Variants in GARNL3 observed in about 807,000 individuals in gnomAD.
GARNL3 encodes the protein GTPase activating Rap/RanGAP domain like 3, also known as GTPase-activating Rap/Ran-GAP domain-like protein 3.
A neutral mutation model predicts 125.0 loss-of-function variants in GARNL3; 63 were observed. That is an observed-to-expected ratio of 0.50 (90% CI 0.41 to 0.62). The LOEUF (loss-of-function observed/expected upper bound fraction) is 0.62. Among genes scored for constraint, GARNL3 ranks in the 20% least tolerant of loss-of-function variants. GARNL3 has a pLI of 0.00. For missense variants in GARNL3, 994 were observed against 1,244.0 expected (o/e 0.80, Z 3.02); for synonymous variants, 439 against 457.5 (o/e 0.96, Z 0.52).
At chr9:127,331,739 A>ATTTTTTTTTTT (rs1564147694) in intron 7 of GARNL3, among the ~76,000 whole-genome samples, 2 of 33,050 alleles carry the variant, frequency 6.1e-5, no homozygotes, top group East Asian at 1.3e-3. Flanking sequence ...TTTTTTTCAC[A>ATTTTTTTTTTT]TCTGTTTTGT....
At chr9:127,380,881 C>T (rs1020088010) in intron 22 of GARNL3, among the ~76,000 whole-genome samples, 1 of 152,026 alleles carries the variant, frequency 6.6e-6, no homozygotes, top group Non-Finnish European at 1.5e-5. Flanking sequence ...TTGAATTGTA[C>T]ATTTTATTTT....
intron 12 of GARNL3, among the ~76,000 whole-genome samples, chr9:127,339,228 C>T (rs921164972): frequency 1.3e-5 from 2 of 150,216 alleles, no homozygotes; most frequent in African/African-American, 2.5e-5. Context: ...ACCCGGGAGG[C>T]GGAGCTTGCA....
rs773430100 is a variant in GARNL3 at position 127,338,138 on chromosome 9, C to T, written c.1005C>T (p.Tyr335=). 3.1e-6 allele frequency: 5 copies of T among 1,611,662 alleles called. No homozygotes were observed. Among genetic ancestry groups the T allele is most frequent in the South Asian group, 1.1e-5 (1 of 91,026 alleles). The change falls in exon 12 of 28, where the codon TAC becomes TAT. Residue 335 remains tyrosine, a synonymous_variant. Transcript: ENST00000373387. ...HFTHIFALVR[Y]NQQNDNYRLK... Reference sequence around the variant, plus strand: ...CAGATATTTTTGCCTTAGTGAGATACAATCAACAAAATGACAATTACAGGT... The same window carrying T: ...CAGATATTTTTGCCTTAGTGAGATATAATCAACAAAATGACAATTACAGGT...
intron 16 of GARNL3, among the ~76,000 whole-genome samples, chr9:127,346,752 T>C (rs1238694886): frequency 1.3e-5 from 2 of 152,202 alleles, no homozygotes; most frequent in Non-Finnish European, 2.9e-5. Flanking sequence ...TGCTGTGCAG[T>C]TGGCTCTGCA....
At chr9:127,345,128 G>T (rs1431978626) in intron 15 of GARNL3, among the ~76,000 whole-genome samples, 1 of 146,734 alleles carries the variant, frequency 6.8e-6, no homozygotes. Context: ...CTGAGAATCT[G>T]CATTTTTTCA....
In GARNL3 at chr9:127,325,055, A is replaced by G. The variant is rs753450238; in HGVS notation, c.568-14A>G. The G allele has an allele frequency of 6.2e-7, 1 of 1,612,800 alleles. No individual in the cohort carries two copies. The highest frequency in any genetic ancestry group is 1.7e-5 in the Admixed American group (1 of 59,962). ...GTTATGCCTGGATGTAACTTTTAAA[A>G]CTTTATTTGACAGGACTTGCTGGTT... On this transcript the variant is annotated splice_polypyrimidine_tract_variant and intron_variant, in intron 6 of 27. Coordinates refer to ENST00000373387, the MANE Select transcript of GARNL3 (RefSeq NM_032293.5).
At chr9:127,282,447 G>A (rs1263428050) in intron 1 of GARNL3, among the ~76,000 whole-genome samples, 1 of 152,110 alleles carries the variant, frequency 6.6e-6, no homozygotes, top group Admixed American at 6.5e-5. Context: ...CTAGAAGTAG[G>A]TACAGTCATT....
At chr9:127,235,821 T>C (rs538323005) in intron 1 of GARNL3, among the ~76,000 whole-genome samples, 2 of 152,314 alleles carry the variant, frequency 1.3e-5, no homozygotes, top group East Asian at 3.9e-4. Context: ...CTGGACTGGC[T>C]TCAAGAGATA....
intron 9 of GARNL3, among the ~76,000 whole-genome samples, chr9:127,333,640 G>C (rs1829388847): frequency 6.6e-6 from 1 of 152,154 alleles, no homozygotes; most frequent in Admixed American, 6.5e-5. Context: ...AATAATTGGA[G>C]GGTCTCGAGG....
rs759929622 is a variant in GARNL3 at position 127,338,169 on chromosome 9, A to G, written c.1028+8A>G. 6 of 1,601,870 alleles carry G rather than the reference A, an allele frequency of 3.7e-6. No homozygotes were observed. In the East Asian group the frequency reaches 6.7e-5, roughly 18 times the overall value. ...ACAAAATGACAATTACAGGTAGGTA[A>G]TGACTTTGTCTCGATTGCTTGTCCT... On this transcript the variant is annotated splice_region_variant and intron_variant, in intron 12 of 27. Transcript: ENST00000373387.
At chr9:127,292,868 C>T (rs1419692252) in intron 2 of GARNL3, among the ~76,000 whole-genome samples, 1 of 152,222 alleles carries the variant, frequency 6.6e-6, no homozygotes, top group Non-Finnish European at 1.5e-5. Context: ...AATCATGGCC[C>T]TACAACTCAC....
intron 27 of GARNL3, 69 bp from the exon 28 acceptor site, chr9:127,393,014 G>T: frequency 1.5e-6 from 2 of 1,295,222 alleles, no homozygotes; most frequent in Non-Finnish European, 2.2e-6. Context: ...GCAGGAAATT[G>T]CCAGAAAAAA....
chr9:127,304,264 C>T (rs1349499657), intron 2 of GARNL3, among the ~76,000 whole-genome samples: 1 of 152,150 alleles, frequency 6.6e-6, no homozygotes, highest in Non-Finnish European at 1.5e-5. Context: ...TAGGTTAAAA[C>T]CACAATTAGG....
chr9:127,277,148 G>C (rs2063978018), intron 1 of GARNL3, among the ~76,000 whole-genome samples: 3 of 152,142 alleles, frequency 2.0e-5, no homozygotes, highest in Admixed American at 2.0e-4. Context: ...TTCTGATTTG[G>C]CATATCTGGA....
intron 7 of GARNL3, among the ~76,000 whole-genome samples, chr9:127,329,305 G>A (rs544464536): frequency 1.3e-5 from 2 of 152,186 alleles, no homozygotes; most frequent in African/African-American, 4.8e-5. Context: ...CCCTTTGAGA[G>A]TAATTACTAA....
rs547956857 is a variant in GARNL3, at chr9:127,382,412, T to G, written c.2162-1026T>G. 2.0e-5 allele frequency among the ~76,000 whole-genome samples: 3 copies of G among 151,494 alleles called. No homozygotes were observed. The East Asian group carries it at 5.9e-4, about 30-fold the overall frequency. On this transcript the variant is annotated intron_variant, in intron 22 of 27. Coordinates refer to ENST00000373387, the MANE Select transcript of GARNL3 (RefSeq NM_032293.5). ...CAAGAGGATTGCTTGAGCTCAGGAGTTGGAAACCAGGCTAGGCAACATAGA... is the reference window on the plus strand; with the variant it reads ...CAAGAGGATTGCTTGAGCTCAGGAGGTGGAAACCAGGCTAGGCAACATAGA...
intron 17 of GARNL3, chr9:127,353,640 T>C: frequency 1.8e-6 from 1 of 567,510 alleles, no homozygotes. Context: ...GAATTGCCTA[T>C]GGGAAGAAAG....
chr9:127,355,037 C>T (rs1830612728), intron 19 of GARNL3, among the ~76,000 whole-genome samples: 1 of 152,240 alleles, frequency 6.6e-6, no homozygotes, highest in Admixed American at 6.5e-5. Flanking sequence ...AGGTTATTCG[C>T]CCGCCTCGGC....
At chr9:127,390,934 C>T (rs1412885283) in intron 27 of GARNL3, among the ~76,000 whole-genome samples, 167 bp downstream of exon 27, 1 of 152,170 alleles carries the variant, frequency 6.6e-6, no homozygotes, top group Non-Finnish European at 1.5e-5. Context: ...TCAGGCCTGC[C>T]AGGGAGGGAT....
Sources: allele counts gnomAD v4.1 joint callset (sites outside exome capture counted in the v4.1 genomes callset), GRCh38; gene constraint gnomAD v4.1.1; transcripts MANE v1.5; gene names NCBI Gene and HGNC (gene_info 2026-07-23, HGNC 2026-07-21).